The following PCBP3 variants were observed in gnomAD, a reference collection of about 807,000 sequenced individuals.
The protein encoded by PCBP3 is poly(rC)-binding protein 3.
In PCBP3, 25 loss-of-function variants were observed where a neutral mutation model predicts 52.7. The ratio of observed to expected loss-of-function variants is 0.47; its 90% CI spans 0.35 to 0.66. The LOEUF (loss-of-function observed/expected upper bound fraction) is 0.66, where lower values mean the gene tolerates loss of function less well. Among genes scored for constraint, PCBP3 ranks in the 30% least tolerant of loss-of-function variants. The probability of loss-of-function intolerance (pLI) is 0.01; values close to 1 mark genes in which losing one functional copy is unlikely to be tolerated. For missense variants in PCBP3, 391 were observed against 490.3 expected (o/e 0.80, Z 1.91); for synonymous variants, 162 against 183.0 (o/e 0.89, Z 0.93).
chr21:45,840,414 G>A (rs55996718), intron 4 of PCBP3, among the ~76,000 whole-genome samples: 20,679 of 144,240 alleles, frequency 0.14, 1,584 homozygotes, highest in Middle Eastern at 0.3. Flanking sequence ...CTGAGATTGC[G>A]CCACTGCACT....
At chr21:45,841,204 GTCTCCCCACGCTC>G (rs2093692870) in intron 4 of PCBP3, among the ~76,000 whole-genome samples, 2 of 152,192 alleles carry the variant, frequency 1.3e-5, no homozygotes, top group Non-Finnish European at 2.9e-5. Context: ...AGGACTGTGT[GTCTCCCCACGCTC>G]TTGGAAGATG....
chr21:45,809,446 G>C (rs2092613252), intron 4 of PCBP3, among the ~76,000 whole-genome samples: 1 of 152,200 alleles, frequency 6.6e-6, no homozygotes, highest in South Asian at 2.1e-4. Context: ...GAGATAAAGA[G>C]GGGGTGTGCG....
At chr21:45,646,095 C>CTCTCTTTCTCTCTT (rs2079266271) in intron 1 of PCBP3, among the ~76,000 whole-genome samples, 6 of 87,326 alleles carry the variant, frequency 6.9e-5, no homozygotes, top group African/African-American at 2.4e-4. Flanking sequence ...CTCTCTCTCT[C>CTCTCTTTCTCTCTT]TCTCTCTCTC....
rs1337149319 is a variant in PCBP3 at position 45,941,795 on chromosome 21, C to T, written c.*89C>T. On this transcript the variant is annotated 3_prime_UTR_variant, in exon 18 of 18. Coordinates refer to ENST00000681687, the MANE Select transcript of PCBP3 (RefSeq NM_001384156.1). ...ACTCTGTACAGCCCACCTTCCCTGC[C>T]TCACAGATACCAATAGAGAGGTTTT... 1 of 1,000,880 alleles carries T rather than the reference C, an allele frequency of 1.0e-6. No homozygotes were observed. Among genetic ancestry groups the T allele is most frequent in the South Asian group, 1.6e-5 (1 of 60,772 alleles). The allele number at this position is 1,000,880 out of a possible 1,614,324, so 62.0% of individuals were successfully genotyped here. A position where few individuals can be genotyped will look rare whatever the true frequency, so the allele number is the denominator to read the frequency against.
intron 3 of PCBP3, chr21:45,752,968 C>CA (rs5844247): frequency 0.012 from 764 of 65,748 alleles, 6 homozygotes; most frequent in Middle Eastern, 0.038. Flanking sequence ...CCTGTCTCTC[C>CA]AAAAAAAAAA....
At chr21:45,844,069 C>G (rs971536611) in intron 4 of PCBP3, among the ~76,000 whole-genome samples, 2 of 152,018 alleles carry the variant, frequency 1.3e-5, no homozygotes, top group Non-Finnish European at 2.9e-5. Context: ...CGTCTCTCTC[C>G]TTGACCTTCT....
chr21:45,795,301 G>A (rs1603430047), intron 4 of PCBP3, among the ~76,000 whole-genome samples: 1 of 147,610 alleles, frequency 6.8e-6, no homozygotes, highest in Admixed American at 6.8e-5. Context: ...GAGGACACTT[G>A]TCTTCTTCTT....
rs1415823864 is a variant in PCBP3, at chr21:45,710,587, C to G, written c.-199-24805C>G. On this transcript the variant is annotated intron_variant, in intron 2 of 17. Coordinates refer to ENST00000681687, the MANE Select transcript of PCBP3 (RefSeq NM_001384156.1). ...ACACATGCTGCTATAACGACACATG[C>G]ACACGTATGTTTATTGCGGCACTAT... Among the ~76,000 whole-genome samples, 3 of 152,194 alleles carry G rather than the reference C, an allele frequency of 2.0e-5. No individual in the cohort carries two copies. In the East Asian group the frequency reaches 5.8e-4, roughly 29 times the overall value.
At chr21:45,808,736 A>G (rs1603439150) in intron 4 of PCBP3, among the ~76,000 whole-genome samples, 1 of 152,234 alleles carries the variant, frequency 6.6e-6, no homozygotes, top group African/African-American at 2.4e-5. Flanking sequence ...AGACACATGC[A>G]TGTGTATATT....
rs1219015612 is a variant in PCBP3 at position 45,737,050 on chromosome 21, A to G, written c.-162+1621A>G. Among the ~76,000 whole-genome samples the G allele has an allele frequency of 2.0e-5, 3 of 152,054 alleles. No homozygotes were observed. The highest frequency in any genetic ancestry group is 7.2e-5 in the African/African-American group (3 of 41,400). On this transcript the variant is annotated intron_variant, in intron 3 of 17. Transcript: ENST00000681687. This position sits in a 1 kb window ranked among gnomAD's most constrained non-coding sequence, Gnocchi z 4.9. Reference sequence around the variant, plus strand: ...GCAGGGCCAAGGGGGTTTGGAGCAGAAGCTCGGGTCTGACATGCCTGGTGC... The same window carrying G: ...GCAGGGCCAAGGGGGTTTGGAGCAGGAGCTCGGGTCTGACATGCCTGGTGC...
chr21:45,771,984 A>G (rs1047382842), intron 4 of PCBP3, among the ~76,000 whole-genome samples: 1 of 152,248 alleles, frequency 6.6e-6, no homozygotes, highest in African/African-American at 2.4e-5. Flanking sequence ...GTAAATTATT[A>G]GTTTTTTGTT....
chr21:45,919,814 GGTGTGTGTGT>G (rs749618031), intron 13 of PCBP3, among the ~76,000 whole-genome samples: 1 of 148,708 alleles, frequency 6.7e-6, no homozygotes, highest in South Asian at 2.1e-4. Flanking sequence ...CAGAAGCAGA[GGTGTGTGTGT>G]GTGTGTGTGT....
intron 6 of PCBP3, among the ~76,000 whole-genome samples, chr21:45,897,299 C>A (rs532390788): frequency 1.3e-5 from 2 of 152,218 alleles, no homozygotes; most frequent in African/African-American, 4.8e-5. Flanking sequence ...AAAGCATCCC[C>A]TGGTCCCCTG....
chr21:45,757,016 T>C (rs1282063434), intron 4 of PCBP3, among the ~76,000 whole-genome samples: 2 of 152,250 alleles, frequency 1.3e-5, no homozygotes, highest in Non-Finnish European at 2.9e-5. Flanking sequence ...TATATGGACA[T>C]ATATTTTAAC....
At chr21:45,897,258 C>T (rs1030507401) in intron 6 of PCBP3, among the ~76,000 whole-genome samples, 3 of 152,202 alleles carry the variant, frequency 2.0e-5, no homozygotes, top group Non-Finnish European at 2.9e-5. Context: ...CGGATGCGTT[C>T]CCACCACTGG....
chr21:45,911,389 T>TG (rs1569488257), intron 11 of PCBP3: 1 of 89,478 alleles, frequency 1.1e-5, no homozygotes, highest in Non-Finnish European at 2.1e-5. Context: ...AGTCAGGCCT[T>TG]GGGGGGCAGC....
At chr21:45,684,256 A>T (rs910871635) in intron 2 of PCBP3, among the ~76,000 whole-genome samples, 1 of 152,116 alleles carries the variant, frequency 6.6e-6, no homozygotes, top group Non-Finnish European at 1.5e-5. Flanking sequence ...CAAAAAAGTA[A>T]TAAGGTCCTG....
chr21:45,726,076 CT>C lies in PCBP3; in HGVS notation c.-199-9315del, dbSNP rs544024752. On this transcript the variant is annotated intron_variant, in intron 2 of 17. Transcript: ENST00000681687. Reference sequence around the variant, plus strand: ...AGGTGCCCAGGCAGTGTGGTTAGGCCTGCTGAGATGTGGTGCGTGCCGAGGC... The same window carrying C: ...AGGTGCCCAGGCAGTGTGGTTAGGCCGCTGAGATGTGGTGCGTGCCGAGGC... 2.1e-3 allele frequency among the ~76,000 whole-genome samples: 312 copies of C among 152,114 alleles called. 3 individuals are homozygous for C. The highest frequency in any genetic ancestry group is 3.5e-3 in the Non-Finnish European group (240 of 67,978).
At chr21:45,896,160 T>A in intron 5 of PCBP3, 48 bp from the exon 6 acceptor site, 1 of 1,535,552 alleles carries the variant, frequency 6.5e-7, no homozygotes, top group African/African-American at 1.4e-5. Flanking sequence ...TGGATGTGCG[T>A]GGTCCGTGAG....
Sources: allele counts gnomAD v4.1 joint callset (sites outside exome capture counted in the v4.1 genomes callset), GRCh38; gene constraint gnomAD v4.1.1; non-coding constraint Gnocchi (gnomAD v3.1); transcripts MANE v1.5; gene names NCBI Gene and HGNC (gene_info 2026-07-23, HGNC 2026-07-21).